The following WWOX variants were observed in gnomAD, a reference collection of about 807,000 sequenced individuals.
The protein encoded by WWOX is WW domain containing oxidoreductase, also known as WW domain-containing oxidoreductase.
In WWOX, 69 loss-of-function variants were observed where a neutral mutation model predicts 46.2. That is an observed-to-expected ratio of 1.49 (90% CI 1.23 to 1.82). The LOEUF is 1.82. WWOX is among the 40% of genes most tolerant of loss of function. The pLI, the probability that WWOX is intolerant of heterozygous loss-of-function variation, is 0.00. For missense variants in WWOX, 919 were observed against 542.6 expected (o/e 1.69, Z -6.89); for synonymous variants, 359 against 202.6 (o/e 1.77, Z -6.56).
chr16:78,576,299 C>G (rs1005309618), intron 8 of WWOX, among the ~76,000 whole-genome samples: 2 of 152,328 alleles, frequency 1.3e-5, no homozygotes, highest in East Asian at 1.9e-4. Flanking sequence ...TCAGAACTCA[C>G]AAAATGTCCA....
chr16:78,856,412 G>A (rs1169070574), intron 8 of WWOX, among the ~76,000 whole-genome samples: 21 of 152,204 alleles, frequency 1.4e-4, no homozygotes, highest in Non-Finnish European at 1.5e-5. Context: ...GTTGGCTGAG[G>A]CGGGTGGATA....
intron 5 of WWOX, among the ~76,000 whole-genome samples, chr16:78,177,824 C>A (rs1044445051): frequency 6.6e-6 from 1 of 152,158 alleles, no homozygotes; most frequent in African/African-American, 2.4e-5. Flanking sequence ...GGCCTGTTGG[C>A]CATGGTCCTG....
chr16:79,150,195 G>C (rs1001482105), intron 8 of WWOX, among the ~76,000 whole-genome samples: 4 of 152,186 alleles, frequency 2.6e-5, no homozygotes, highest in African/African-American at 9.7e-5. Context: ...GTTAGAGGTA[G>C]AAGAGATCCT....
At chr16:78,705,479 T>A (rs1015047183) in intron 8 of WWOX, among the ~76,000 whole-genome samples, 1 of 152,192 alleles carries the variant, frequency 6.6e-6, no homozygotes, top group Non-Finnish European at 1.5e-5. Context: ...GTCATCAGTT[T>A]GTCAGTTGTC....
chr16:78,743,272 G>C (rs1218893652), intron 8 of WWOX, among the ~76,000 whole-genome samples: 1 of 152,114 alleles, frequency 6.6e-6, no homozygotes. Flanking sequence ...GATTGGCCCT[G>C]TGTATCCCTC....
In WWOX at chr16:78,109,788, C is replaced by G; in HGVS notation, c.183C>G (p.Tyr61Ter). The G allele has an allele frequency of 1.2e-6, 2 of 1,614,028 alleles. No individual in the cohort carries two copies. The highest frequency in any genetic ancestry group is 1.7e-5 in the Admixed American group (1 of 60,012). Residue 61 changes from tyrosine to a stop codon, truncating the protein, a stop_gained, in exon 3 of 9, where the codon TAC becomes TAG. Coordinates refer to ENST00000566780, the MANE Select transcript of WWOX (RefSeq NM_016373.4). LOFTEE classifies it high-confidence loss of function. ...TTTCTTGTGTTTCAGATTTGCCATA[C>G]GGATGGGAACAAGAAACTGATGAGA... ...KRKRVAGDLPYGWEQETDENG... is the reference protein window; with the variant it reads ...KRKRVAGDLP
intron 8 of WWOX, among the ~76,000 whole-genome samples, chr16:78,881,418 G>A (rs930362285): frequency 6.6e-6 from 1 of 152,136 alleles, no homozygotes; most frequent in Admixed American, 6.5e-5. Context: ...TAATATACAG[G>A]TTTTCTCCAA....
At chr16:78,105,452 C>G (rs796220567) in intron 1 of WWOX, among the ~76,000 whole-genome samples, 17 of 126,024 alleles carry the variant, frequency 1.3e-4, no homozygotes, top group African/African-American at 4.6e-4. Flanking sequence ...GAGTGAGACT[C>G]TGTCTCAAAA....
chr16:78,435,292 T>G (rs1170267538), intron 8 of WWOX, among the ~76,000 whole-genome samples: 1 of 152,270 alleles, frequency 6.6e-6, no homozygotes, highest in South Asian at 2.1e-4. Flanking sequence ...CCAACCTCCA[T>G]GCCTAACTCC....
chr16:78,355,033 G>A (rs2081256989), intron 5 of WWOX, among the ~76,000 whole-genome samples: 1 of 152,074 alleles, frequency 6.6e-6, no homozygotes, highest in South Asian at 2.1e-4. Flanking sequence ...TTGGGAGGCT[G>A]AGGCAGGCGA....
chr16:78,200,903 G>A (rs2036210070), intron 5 of WWOX, among the ~76,000 whole-genome samples: 1 of 152,084 alleles, frequency 6.6e-6, no homozygotes, highest in Admixed American at 6.6e-5. Flanking sequence ...TTTGTGAGAG[G>A]GTATGGGTGC....
chr16:78,789,729 C>A (rs1168676559), intron 8 of WWOX, among the ~76,000 whole-genome samples: 1 of 152,178 alleles, frequency 6.6e-6, no homozygotes, highest in Non-Finnish European at 1.5e-5. Context: ...GAACAGTCAT[C>A]AGCTCTTGTG....
intron 6 of WWOX, among the ~76,000 whole-genome samples, chr16:78,408,359 A>G (rs1029485655): frequency 2.4e-4 from 36 of 152,178 alleles, no homozygotes; most frequent in African/African-American, 8.7e-4. Context: ...CTGAGTTAAT[A>G]TAAGGCCCCA....
chr16:78,581,428 G>C (rs182159079), intron 8 of WWOX, among the ~76,000 whole-genome samples: 2 of 152,104 alleles, frequency 1.3e-5, no homozygotes, highest in Non-Finnish European at 2.9e-5. Flanking sequence ...ACAGGAACTG[G>C]TTTTATTTTA....
intron 8 of WWOX, among the ~76,000 whole-genome samples, chr16:78,750,627 C>G (rs1255907501): frequency 1.3e-5 from 2 of 151,996 alleles, no homozygotes; most frequent in African/African-American, 4.8e-5. Context: ...GTTTTTCAAT[C>G]CTTTTCTCCT....
At chr16:78,403,673 C>T (rs559751764) in intron 6 of WWOX, among the ~76,000 whole-genome samples, 1 of 152,208 alleles carries the variant, frequency 6.6e-6, no homozygotes, top group Non-Finnish European at 1.5e-5. Flanking sequence ...GTGCCAGGCC[C>T]TGGATGAGGC....
rs192346305 is a variant in WWOX, at chr16:78,877,471, C to G, written c.1057-334137C>G. Among the ~76,000 whole-genome samples the G allele has an allele frequency of 4.4e-4, 67 of 152,334 alleles. No homozygotes were observed. In the East Asian group the frequency reaches 9.1e-3, roughly 21 times the overall value. On this transcript the variant is annotated intron_variant, in intron 8 of 8. Coordinates refer to ENST00000566780, the MANE Select transcript of WWOX (RefSeq NM_016373.4). ...TTCTTCTCCAAAAGGCTTTGCTCAA[C>G]TGACACTTTCTCAGTGAAGCTGTTT... is the stretch of plus-strand genomic sequence containing the variant.
intron 8 of WWOX, among the ~76,000 whole-genome samples, chr16:78,883,972 C>A (rs2044397878): frequency 6.6e-6 from 1 of 152,038 alleles, no homozygotes. Context: ...ATAAGTATAT[C>A]TGATCCCCTA....
chr16:78,617,148 A>T (rs890190289), intron 8 of WWOX, among the ~76,000 whole-genome samples: 2 of 152,144 alleles, frequency 1.3e-5, no homozygotes, highest in African/African-American at 2.4e-5. Context: ...GTGGTGGCTC[A>T]CGCCTGTAAT....
Sources: allele counts gnomAD v4.1 joint callset (sites outside exome capture counted in the v4.1 genomes callset), GRCh38; gene constraint gnomAD v4.1.1; transcripts MANE v1.5; gene names NCBI Gene and HGNC (gene_info 2026-07-23, HGNC 2026-07-21).